The following KCND2 variants were observed in gnomAD, a reference collection of about 807,000 sequenced individuals.
KCND2 encodes the protein A-type voltage-gated potassium channel KCND2.
In KCND2, 16 loss-of-function variants were observed where a neutral mutation model predicts 54.4. The ratio of observed to expected loss-of-function variants is 0.29; its 90% CI spans 0.20 to 0.45. The LOEUF is 0.45. Ranked by LOEUF, KCND2 falls within the 20% of genes least tolerant of loss-of-function variation. KCND2 has a pLI of 1.00. For synonymous variants in KCND2, 317 were observed against 310.7 expected (o/e 1.02, Z -0.21); for missense variants, 486 against 824.2 (o/e 0.59, Z 5.02).
intron 1 of KCND2, among the ~76,000 whole-genome samples, chr7:120,605,159 G>C (rs1792865994): frequency 6.6e-6 from 1 of 152,152 alleles, no homozygotes; most frequent in Non-Finnish European, 1.5e-5. Flanking sequence ...CATGACCACT[G>C]TCTAATTCCA....
intron 1 of KCND2, among the ~76,000 whole-genome samples, chr7:120,484,713 A>G (rs1480258207): frequency 6.6e-6 from 1 of 151,618 alleles, no homozygotes; most frequent in East Asian, 1.9e-4. Flanking sequence ...ACACACACAC[A>G]CACACACACA....
intron 1 of KCND2, among the ~76,000 whole-genome samples, chr7:120,419,495 C>T (rs1466759915): frequency 6.6e-6 from 1 of 152,114 alleles, no homozygotes; most frequent in Non-Finnish European, 1.5e-5. Flanking sequence ...TCTTTGTAAT[C>T]CATTTGACCA....
At chr7:120,441,146 A>G (rs1801940161) in intron 1 of KCND2, among the ~76,000 whole-genome samples, 1 of 152,038 alleles carries the variant, frequency 6.6e-6, no homozygotes, top group South Asian at 2.1e-4. Context: ...TTTTATATAA[A>G]TGTTTAAATT....
At chr7:120,577,359 T>A (rs1275545925) in intron 1 of KCND2, among the ~76,000 whole-genome samples, 3 of 152,184 alleles carry the variant, frequency 2.0e-5, no homozygotes, top group Admixed American at 6.5e-5. Flanking sequence ...TTTACTTAAG[T>A]TTTATTCATA....
chr7:120,414,069 A>C (rs1801490978), intron 1 of KCND2, among the ~76,000 whole-genome samples: 1 of 152,054 alleles, frequency 6.6e-6, no homozygotes, highest in Admixed American at 6.6e-5. Flanking sequence ...AAAAGAAAAC[A>C]GAAAATACAA....
At chr7:120,678,372 T>TAC (rs1554385186) in intron 1 of KCND2, among the ~76,000 whole-genome samples, 8 of 133,496 alleles carry the variant, frequency 6.0e-5, no homozygotes, top group African/African-American at 1.9e-4. Context: ...TATATATATA[T>TAC]ACGCACACAC....
chr7:120,386,481 G>GC (rs1800989576), intron 1 of KCND2, among the ~76,000 whole-genome samples: 1 of 152,020 alleles, frequency 6.6e-6, no homozygotes, highest in African/African-American at 2.4e-5. Flanking sequence ...CCATGAACAG[G>GC]CCCCAAAAAG....
intron 1 of KCND2, among the ~76,000 whole-genome samples, chr7:120,460,834 C>T (rs1281182633): frequency 6.6e-6 from 1 of 152,146 alleles, no homozygotes; most frequent in African/African-American, 2.4e-5. Context: ...ACAAAAAGAT[C>T]TAAGAGGCTT....
At chr7:120,478,281 T>G (rs2116274672) in intron 1 of KCND2, among the ~76,000 whole-genome samples, 1 of 152,288 alleles carries the variant, frequency 6.6e-6, no homozygotes, top group Admixed American at 6.5e-5. Context: ...TGTCATATGG[T>G]TTGTGACACT....
intron 1 of KCND2, among the ~76,000 whole-genome samples, chr7:120,326,151 A>C (rs954103566): frequency 6.6e-6 from 1 of 152,078 alleles, no homozygotes; most frequent in Admixed American, 6.6e-5. Flanking sequence ...AATATAGAAC[A>C]GTTTGTATAT....
chr7:120,731,079 C>T (rs559157389), intron 1 of KCND2, among the ~76,000 whole-genome samples: 1 of 152,128 alleles, frequency 6.6e-6, no homozygotes, highest in Non-Finnish European at 1.5e-5. Flanking sequence ...AGAACTCCTC[C>T]TTGTCCCCCG....
rs552523771 is a variant in KCND2 at position 120,700,928 on chromosome 7, T to C, written c.1116-31975T>C. On this transcript the variant is annotated intron_variant, in intron 1 of 5. Coordinates refer to ENST00000331113, the MANE Select transcript of KCND2 (RefSeq NM_012281.3). ...TATTTGACTCTTACATAAAGGGAAGTAGACAGCTGATGTGATGACTCCATA... is the reference window on the plus strand; with the variant it reads ...TATTTGACTCTTACATAAAGGGAAGCAGACAGCTGATGTGATGACTCCATA... Among the ~76,000 whole-genome samples, 138 of 152,234 alleles carry C rather than the reference T, an allele frequency of 9.1e-4. 1 individual carries two copies. The highest frequency in any genetic ancestry group is 1.5e-3 in the Non-Finnish European group (104 of 68,022).
At chr7:120,481,757 A>G (rs1802611118) in intron 1 of KCND2, among the ~76,000 whole-genome samples, 1 of 152,194 alleles carries the variant, frequency 6.6e-6, no homozygotes, top group Non-Finnish European at 1.5e-5. Flanking sequence ...CTACTTCAGA[A>G]GGTACAAGCT....
chr7:120,533,303 G>T (rs941795969), intron 1 of KCND2, among the ~76,000 whole-genome samples: 1 of 151,994 alleles, frequency 6.6e-6, no homozygotes, highest in South Asian at 2.1e-4. Flanking sequence ...TGCCGAACTT[G>T]TAATACCCTC....
At chr7:120,502,953 C>T (rs1213031107) in intron 1 of KCND2, among the ~76,000 whole-genome samples, 1 of 152,016 alleles carries the variant, frequency 6.6e-6, no homozygotes, top group East Asian at 1.9e-4. Flanking sequence ...GATTTACTTT[C>T]CTAGCTATTT....
intron 1 of KCND2, among the ~76,000 whole-genome samples, chr7:120,699,615 A>G (rs1792375747): frequency 2.0e-5 from 3 of 152,188 alleles, no homozygotes; most frequent in Admixed American, 2.0e-4. Context: ...TTCCAAGAAG[A>G]GGTGGAATTT....
intron 1 of KCND2, among the ~76,000 whole-genome samples, chr7:120,578,165 G>T (rs533801567): frequency 3.3e-5 from 5 of 152,134 alleles, no homozygotes; most frequent in Non-Finnish European, 5.9e-5. Flanking sequence ...GCATGTACCT[G>T]TAGTCACAGC....
chr7:120,582,775 CCCAA>C (rs1792534157), intron 1 of KCND2, among the ~76,000 whole-genome samples: 1 of 152,106 alleles, frequency 6.6e-6, no homozygotes, highest in Non-Finnish European at 1.5e-5. Flanking sequence ...TATCCTTGGG[CCCAA>C]TTATGGCCCA....
At chr7:120,585,851 A>G (rs779611655) in intron 1 of KCND2, among the ~76,000 whole-genome samples, 1 of 152,158 alleles carries the variant, frequency 6.6e-6, no homozygotes, top group Non-Finnish European at 1.5e-5. Flanking sequence ...AGGAAATTAG[A>G]TGATCTTTCC....
Sources: gnomAD v4.1 joint callset for allele counts (sites outside exome capture counted in the v4.1 genomes callset) on GRCh38, gnomAD v4.1.1 for gene constraint, MANE v1.5 for transcripts, NCBI Gene and HGNC (gene_info 2026-07-23, HGNC 2026-07-21) for gene names.